The following YEATS4 variants were observed in gnomAD, a reference collection of about 807,000 sequenced individuals.
YEATS4 encodes YEATS domain containing 4.
A neutral mutation model predicts 30.1 loss-of-function variants in YEATS4; 17 were observed. That is an observed-to-expected ratio of 0.56 (90% confidence interval 0.39 to 0.85). The LOEUF (loss-of-function observed/expected upper bound fraction) is 0.85, where lower values mean the gene tolerates loss of function less well. Ranked by LOEUF, YEATS4 falls within the 40% of genes least tolerant of loss-of-function variation. The pLI, the probability that YEATS4 is intolerant of heterozygous loss-of-function variation, is 0.00. For missense variants in YEATS4, 142 were observed against 268.3 expected (o/e 0.53, Z 3.29); for synonymous variants, 85 against 87.5 (o/e 0.97, Z 0.16).
intron 1 of YEATS4, among the ~76,000 whole-genome samples, chr12:69,360,558 A>G (rs1875157600): frequency 6.6e-6 from 1 of 152,350 alleles, no homozygotes; most frequent in East Asian, 1.9e-4. Flanking sequence ...CACATGGGGA[A>G]CATTCAGTAA....
chr12:69,408,788 A>G, the YEATS4 span, among the ~76,000 whole-genome samples: 1 of 152,342 alleles, frequency 6.6e-6, no homozygotes, highest in South Asian at 2.1e-4. Context: ...AGACCTTTCA[A>G]TATGCTCTCA....
intron 4 of YEATS4, among the ~76,000 whole-genome samples, chr12:69,369,365 T>G (rs1875557194): frequency 6.6e-6 from 1 of 152,246 alleles, no homozygotes; most frequent in Non-Finnish European, 1.5e-5. Flanking sequence ...AAATAAACTT[T>G]CAGAGATATT....
At chr12:69,389,575 G>A (rs1430642211) in intron 6 of YEATS4, among the ~76,000 whole-genome samples, 11 of 128,618 alleles carry the variant, frequency 8.6e-5, no homozygotes, top group Admixed American at 7.3e-4. Context: ...GTGCACTAGC[G>A]TCATCTCAGC....
At chr12:69,404,153 C>T in the YEATS4 span, among the ~76,000 whole-genome samples, 1 of 152,180 alleles carries the variant, frequency 6.6e-6, no homozygotes, top group Non-Finnish European at 1.5e-5. Context: ...GAGCTCTAGA[C>T]TCTCCATTCT....
chr12:69,404,912 T>C, the YEATS4 span, among the ~76,000 whole-genome samples: 1 of 152,236 alleles, frequency 6.6e-6, no homozygotes, highest in Non-Finnish European at 1.5e-5. Flanking sequence ...CTTCAGCTAC[T>C]GCTAATTCTT....
chr12:69,382,841 T>A (rs1876130329), intron 6 of YEATS4, among the ~76,000 whole-genome samples: 1 of 152,152 alleles, frequency 6.6e-6, no homozygotes, highest in South Asian at 2.1e-4. Flanking sequence ...TTTTGAATAA[T>A]GAGGTATTGG....
In YEATS4 at chr12:69,362,086, C is replaced by T. The variant is rs560925644; in HGVS notation, c.52-702C>T. 1.3e-4 allele frequency among the ~76,000 whole-genome samples: 17 copies of T among 131,280 alleles called. No individual in the cohort carries two copies. The East Asian group carries it at 3.5e-3, about 27-fold the overall frequency. 86.1% of individuals were successfully genotyped at this position (131,280 alleles called of 152,430 possible). On this transcript the variant is annotated intron_variant, in intron 1 of 6. Coordinates refer to ENST00000247843, the MANE Select transcript of YEATS4 (RefSeq NM_006530.4). ...AGGCTGGAGTGCAATGGTATGATCT[C>T]GGCTCACTGCAACCTCTGCCTCCCA...
the YEATS4 span, among the ~76,000 whole-genome samples, chr12:69,416,250 C>T: frequency 3.3e-5 from 5 of 152,292 alleles, no homozygotes; most frequent in East Asian, 9.7e-4. Flanking sequence ...GTTCTCCTCC[C>T]CATAAAACAA....
the YEATS4 span, among the ~76,000 whole-genome samples, chr12:69,419,080 T>A: frequency 6.7e-6 from 1 of 150,044 alleles, no homozygotes; most frequent in African/African-American, 2.4e-5. Context: ...CCTGCTCACC[T>A]CTGCTCATTC....
At chr12:69,373,082 G>A (rs1288739711) in intron 6 of YEATS4, among the ~76,000 whole-genome samples, 1 of 152,110 alleles carries the variant, frequency 6.6e-6, no homozygotes, top group Non-Finnish European at 1.5e-5. Flanking sequence ...ATTGTGAATA[G>A]TACTGCAATA....
the YEATS4 span, among the ~76,000 whole-genome samples, chr12:69,411,736 T>C: frequency 1.3e-5 from 2 of 151,952 alleles, no homozygotes; most frequent in Non-Finnish European, 1.5e-5. Context: ...AAGGAGTGAG[T>C]AGGCAATTTT....
At chr12:69,364,121 A>G in intron 2 of YEATS4, 1 of 432,130 alleles carries the variant, frequency 2.3e-6, no homozygotes. Context: ...AAAATGTTCT[A>G]AAATTGTAGT....
At chr12:69,398,468 A>C in the YEATS4 span, among the ~76,000 whole-genome samples, 2 of 152,196 alleles carry the variant, frequency 1.3e-5, no homozygotes, top group African/African-American at 4.8e-5. Context: ...AACATCTAAA[A>C]AAATAAAATA....
the YEATS4 span, among the ~76,000 whole-genome samples, chr12:69,425,635 G>A: frequency 6.6e-6 from 1 of 152,336 alleles, no homozygotes; most frequent in African/African-American, 2.4e-5. Flanking sequence ...GCCTCAGGAT[G>A]TGGCTTCCCC....
downstream of YEATS4, among the ~76,000 whole-genome samples, chr12:69,393,310 A>G (rs1868329364): frequency 6.6e-6 from 1 of 152,102 alleles, no homozygotes; most frequent in Non-Finnish European, 1.5e-5. Context: ...GACACAAACA[A>G]CAGAAAAATT....
At chr12:69,399,343 A>G in the YEATS4 span, among the ~76,000 whole-genome samples, 1 of 152,232 alleles carries the variant, frequency 6.6e-6, no homozygotes, top group Non-Finnish European at 1.5e-5. Flanking sequence ...AATTGGGCAA[A>G]AAATTTGAAT....
chr12:69,412,269 G>C, the YEATS4 span, among the ~76,000 whole-genome samples: 1 of 152,292 alleles, frequency 6.6e-6, no homozygotes, highest in Admixed American at 6.5e-5. Flanking sequence ...GTTCCCTGCA[G>C]GTCAGGCTGG....
chr12:69,426,514 G>A, the YEATS4 span, among the ~76,000 whole-genome samples: 1 of 152,234 alleles, frequency 6.6e-6, no homozygotes, highest in Non-Finnish European at 1.5e-5. Flanking sequence ...GGGATTACAG[G>A]TGCCTGCCAC....
intron 6 of YEATS4, among the ~76,000 whole-genome samples, chr12:69,374,333 A>G (rs142716407): frequency 8.6e-5 from 13 of 151,836 alleles, no homozygotes; most frequent in Non-Finnish European, 1.8e-4. Flanking sequence ...CTCATTGTAC[A>G]TATCTTTCAC....
Sources: gnomAD v4.1 joint callset for allele counts (sites outside exome capture counted in the v4.1 genomes callset) on GRCh38, gnomAD v4.1.1 for gene constraint, MANE v1.5 for transcripts, NCBI Gene and HGNC (gene_info 2026-07-23, HGNC 2026-07-21) for gene names.